USP35: variants seen among roughly 807,000 people sequenced by gnomAD.
USP35 encodes ubiquitin carboxyl-terminal hydrolase 35.
A neutral mutation model predicts 83.8 loss-of-function variants in USP35; 69 were observed. The observed-to-expected ratio is 0.82, with a 90% CI of 0.68 to 1.01. The LOEUF is 1.01. Among genes scored for constraint, USP35 ranks in the 50% least tolerant of loss-of-function variants. USP35 has a pLI of 0.00. For missense variants in USP35, 1,503 were observed against 1,362.5 expected, an observed-to-expected ratio of 1.10 and a Z score of -1.62; for synonymous variants, 714 against 589.5, an observed-to-expected ratio of 1.21 and a Z score of -3.06.
chr11:78,228,535 C>A, the USP35 span, among the ~76,000 whole-genome samples: 3 of 152,124 alleles, frequency 2.0e-5, no homozygotes, highest in Admixed American at 6.5e-5. Flanking sequence ...TCTCTCAGCT[C>A]CTGAGGAGTT....
chr11:78,216,214 CACTTG>C (rs1277511611), downstream of USP35: 15 of 152,560 alleles, frequency 9.8e-5, no homozygotes, highest in Admixed American at 1.3e-4. Context: ...TCATCGTTCT[CACTTG>C]ACTTAACCTT....
At chr11:78,201,021 T>G (rs1565397338) in intron 6 of USP35, among the ~76,000 whole-genome samples, 1 of 152,230 alleles carries the variant, frequency 6.6e-6, no homozygotes, top group East Asian at 1.9e-4. Context: ...TGCTCTGGGC[T>G]TTTGCACACA....
At chr11:78,199,778 CA>C (rs1398272928) in intron 4 of USP35, 54 bp downstream of exon 4, 1 of 1,612,458 alleles carries the variant, frequency 6.2e-7, no homozygotes, top group Non-Finnish European at 8.5e-7. Flanking sequence ...AGGCTCTTGC[CA>C]GGGGCGGTGC....
At chr11:78,193,512 C>A (rs1479840694) in intron 1 of USP35, among the ~76,000 whole-genome samples, 1 of 151,912 alleles carries the variant, frequency 6.6e-6, no homozygotes, top group Admixed American at 6.6e-5. Flanking sequence ...GCTGGGAGAC[C>A]AGTTTTTAAA....
intron 6 of USP35, among the ~76,000 whole-genome samples, chr11:78,201,568 G>A (rs898879402): frequency 1.3e-5 from 2 of 152,168 alleles, no homozygotes; most frequent in African/African-American, 4.8e-5. Context: ...GGACAGATGA[G>A]GCCTCTAAGA....
At chr11:78,227,631 CAAAAA>C in the USP35 span, among the ~76,000 whole-genome samples, 2 of 106,124 alleles carry the variant, frequency 1.9e-5, no homozygotes, top group Admixed American at 1.0e-4. Flanking sequence ...CCATTGCCAC[CAAAAA>C]AAAAAAAAAA....
the USP35 span, chr11:78,221,605 G>A: frequency 1.2e-6 from 1 of 840,312 alleles, no homozygotes; most frequent in Non-Finnish European, 2.0e-6. Flanking sequence ...GCTAAGCTGG[G>A]AAGTGGGGAA....
rs549302309 is a variant in USP35 at position 78,206,101 on chromosome 11, T to C, written c.1391+66T>C. The C allele has an allele frequency of 2.4e-5, 37 of 1,546,450 alleles. No individual in the cohort carries two copies. The African/African-American group carries it at 4.6e-4, about 19-fold the overall frequency. ...CTCCTCTGGGCTCCCTGATGACAGG[T>C]GGAAAGGTGTCCGGGGTGGGGGTTG... On this transcript the variant is annotated intron_variant, in intron 7 of 10. Transcript: ENST00000529308.
the USP35 span, chr11:78,223,467 T>C: frequency 1.3e-6 from 2 of 1,593,892 alleles, no homozygotes; most frequent in Non-Finnish European, 1.7e-6. Context: ...TCTCACTTCC[T>C]CTGCTGGGGC....
rs1055417494 is a variant in USP35 at position 78,210,271 on chromosome 11, C to G, written c.2416C>G (p.Leu806Val). Residue 806 changes from leucine (L) to valine (V), a missense_variant, in exon 10 of 11, where the codon CTC becomes GTC. Transcript: ENST00000529308. ...GAGCCAAGGGCCGTGCTACCTCATC[C>G]TCACACTGCTGCGCTTCTCTTTCGA... is the stretch of plus-strand genomic sequence containing the variant. ...ELSQGPCYLI[L>V]TLLRFSFDLR... is the part of the protein sequence containing the mutation. The G allele has an allele frequency of 6.2e-7, 1 of 1,614,146 alleles. No homozygotes were observed. The highest frequency in any genetic ancestry group is 2.2e-5 in the East Asian group (1 of 44,878).
the USP35 span, among the ~76,000 whole-genome samples, chr11:78,236,879 T>C: frequency 2.0e-5 from 3 of 152,198 alleles, no homozygotes; most frequent in East Asian, 1.9e-4. Context: ...CCCTAAAATA[T>C]ATATATTGTC....
chr11:78,191,095 GGAT>G (rs1370759251), intron 1 of USP35, among the ~76,000 whole-genome samples: 1 of 152,200 alleles, frequency 6.6e-6, no homozygotes, highest in Non-Finnish European at 1.5e-5. Flanking sequence ...GACCAAGGAG[GGAT>G]GATGAAGCTT....
At chr11:78,208,815 G>A in intron 8 of USP35, 42 bp from the exon 9 acceptor site, 1 of 1,607,786 alleles carries the variant, frequency 6.2e-7, no homozygotes, top group Non-Finnish European at 8.5e-7. Context: ...CTGGTGAGTG[G>A]CCTCCTGCTC....
the USP35 span, among the ~76,000 whole-genome samples, chr11:78,230,247 C>T: frequency 6.6e-6 from 1 of 152,228 alleles, no homozygotes; most frequent in African/African-American, 2.4e-5. Flanking sequence ...CTGTAGAACC[C>T]ACTAGCTTAC....
Position 78,196,278 on chromosome 11 carries a change from G to C in USP35, c.33G>C (p.Ser11=), listed in dbSNP as rs777385278. The change falls in exon 2 of 11, where the codon TCG becomes TCC. Residue 11 remains serine (S), a synonymous_variant. Coordinates refer to ENST00000529308, the MANE Select transcript of USP35 (RefSeq NM_020798.4). The surrounding 1 kb of genome is among the most constrained non-coding windows in gnomAD (Gnocchi z 4.8). ...AGATCTTGGAGGCGGTGGTGACGTC[G>C]TCATACCCGGTCAGCGTGAAGCAGG... MDKILEAVVT[S]SYPVSVKQGL... 12 of 1,595,246 alleles carry C rather than the reference G, an allele frequency of 7.5e-6. No individual in the cohort carries two copies. The East Asian group carries it at 1.8e-4, about 24-fold the overall frequency.
At chr11:78,200,569 G>A in intron 5 of USP35, 81 bp from the exon 6 acceptor site, 1 of 1,526,788 alleles carries the variant, frequency 6.5e-7, no homozygotes, top group Admixed American at 2.0e-5. Context: ...AGAGAGTGTT[G>A]CGTGCTGTCA....
At chr11:78,230,804 C>A in the USP35 span, among the ~76,000 whole-genome samples, 1 of 152,250 alleles carries the variant, frequency 6.6e-6, no homozygotes, top group South Asian at 2.1e-4. Flanking sequence ...CTGCGCAAAC[C>A]ATGCTAAAAT....
At chr11:78,225,054 G>A in the USP35 span, 7 of 1,084,354 alleles carry the variant, frequency 6.5e-6, no homozygotes, top group Non-Finnish European at 9.9e-6. Context: ...CATAAGGTGT[G>A]ACCTTTTACC....
At chr11:78,209,328 T>G in intron 9 of USP35, 120 bp from the exon 10 acceptor site, 1 of 1,062,278 alleles carries the variant, frequency 9.4e-7, no homozygotes, top group Non-Finnish European at 1.3e-6. Flanking sequence ...GGTGTGTGCA[T>G]GTGTGTTTGT....
Sources: gnomAD v4.1 joint callset for allele counts (sites outside exome capture counted in the v4.1 genomes callset) on GRCh38, gnomAD v4.1.1 for gene constraint, Gnocchi (gnomAD v3.1) non-coding constraint, MANE v1.5 for transcripts, NCBI Gene and HGNC (gene_info 2026-07-23, HGNC 2026-07-21) for gene names.